PIK3CB: variants seen among roughly 807,000 people sequenced by gnomAD.
The protein encoded by PIK3CB is phosphatidylinositol-4,5-bisphosphate 3-kinase catalytic subunit beta.
In PIK3CB, 39 loss-of-function variants were observed where a neutral mutation model predicts 136.8. That is an observed-to-expected ratio of 0.29 (90% CI 0.22 to 0.37). The LOEUF is 0.37. Among genes scored for constraint, PIK3CB ranks in the 10% least tolerant of loss-of-function variants. The pLI, the probability that PIK3CB is intolerant of heterozygous loss-of-function variation, is 1.00. For synonymous variants in PIK3CB, 428 were observed against 436.6 expected, an observed-to-expected ratio of 0.98 and a Z score of 0.25; for missense variants, 868 against 1,275.4, an observed-to-expected ratio of 0.68 and a Z score of 4.87.
chr3:138,731,266 T>G (rs977413026), intron 8 of PIK3CB, among the ~76,000 whole-genome samples: 13 of 152,184 alleles, frequency 8.5e-5, no homozygotes, highest in South Asian at 8.3e-4. Context: ...TTCTTTTTTT[T>G]GGGGGAGATT....
chr3:138,820,310 T>G (rs1423620714), intron 1 of PIK3CB, among the ~76,000 whole-genome samples: 3 of 152,158 alleles, frequency 2.0e-5, no homozygotes, highest in African/African-American at 7.2e-5. Flanking sequence ...CTTTCACATC[T>G]CAATTCAAAC....
Position 138,691,090 on chromosome 3 carries a change from T to G in PIK3CB, c.1946A>C (p.Glu649Ala). Residue 649 changes from glutamate (E) to alanine (A), a missense_variant, in exon 15 of 24, where the codon GAG becomes GCG. By Grantham distance (107) the Glu-to-Ala change is moderately radical. Around this residue, in one of 4 missense-constraint regions of PIK3CB, gnomAD observed 612 missense variants for 801.1 expected, o/e 0.76. Transcript: ENST00000674063. ...LLQLVQVLKY[E>A]PFLDCALSRF... ...AGAGAGGGCACAATCAAGAAAAGGC[T>G]CATATTTTAACACTTGCACCAGTTG... 1 of 1,612,630 alleles carries G rather than the reference T, an allele frequency of 6.2e-7. No homozygotes were observed. The highest frequency in any genetic ancestry group is 8.5e-7 in the Non-Finnish European group (1 of 1,178,724).
intron 1 of PIK3CB, among the ~76,000 whole-genome samples, chr3:138,802,094 C>A (rs2046182926): frequency 6.6e-6 from 1 of 151,166 alleles, no homozygotes; most frequent in Non-Finnish European, 1.5e-5. Flanking sequence ...AAAAGGGGAG[C>A]CAGGCACAGT....
intron 5 of PIK3CB, among the ~76,000 whole-genome samples, chr3:138,742,223 C>T (rs1032044209): frequency 7.2e-5 from 11 of 152,118 alleles, no homozygotes; most frequent in African/African-American, 2.4e-4. Context: ...GTTGCATATT[C>T]TTTTTACTTC....
chr3:138,703,550 T>TTATA (rs563928875), intron 12 of PIK3CB, among the ~76,000 whole-genome samples: 16 of 150,866 alleles, frequency 1.1e-4, no homozygotes, highest in African/African-American at 3.9e-4. Context: ...GTATACATAT[T>TTATA]TATATATATA....
intron 5 of PIK3CB, among the ~76,000 whole-genome samples, chr3:138,739,228 G>A (rs2045184336): frequency 6.6e-6 from 1 of 151,782 alleles, no homozygotes; most frequent in African/African-American, 2.4e-5. Flanking sequence ...GGCAGATAAT[G>A]AGGTCAGGAG....
At chr3:138,789,640 T>C (rs9822714) in intron 2 of PIK3CB, among the ~76,000 whole-genome samples, 81,187 of 151,370 alleles carry the variant, frequency 0.54, 23,069 homozygotes, top group East Asian at 0.98. Flanking sequence ...CATCAACAGA[T>C]ACATAGACAA....
At chr3:138,815,876 C>T (rs200992496) in intron 1 of PIK3CB, among the ~76,000 whole-genome samples, 1 of 152,180 alleles carries the variant, frequency 6.6e-6, no homozygotes, top group East Asian at 1.9e-4. Context: ...TAAATAATTA[C>T]GCACTTAGCC....
intron 2 of PIK3CB, among the ~76,000 whole-genome samples, chr3:138,787,361 G>A (rs532332640): frequency 1.2e-3 from 159 of 133,076 alleles, no homozygotes; most frequent in Middle Eastern, 4.7e-3. Flanking sequence ...GCAAGACTCC[G>A]CTCAAAAAAA....
intron 4 of PIK3CB, among the ~76,000 whole-genome samples, chr3:138,754,338 T>C (rs2045525465): frequency 6.6e-6 from 1 of 151,886 alleles, no homozygotes. Context: ...CTTAGGACGC[T>C]GAGGTGGGAG....
chr3:138,708,876 T>C (rs1325069014), intron 10 of PIK3CB, among the ~76,000 whole-genome samples: 2 of 152,178 alleles, frequency 1.3e-5, no homozygotes, highest in African/African-American at 4.8e-5. Flanking sequence ...TTTAGTATTT[T>C]AGTACTTATT....
At chr3:138,711,882 G>C (rs2044508333) in intron 10 of PIK3CB, among the ~76,000 whole-genome samples, 1 of 151,866 alleles carries the variant, frequency 6.6e-6, no homozygotes. Context: ...AGCACTTTGG[G>C]AGGATCACTT....
intron 1 of PIK3CB, among the ~76,000 whole-genome samples, chr3:138,811,432 C>CT (rs1209224609): frequency 0.051 from 7,246 of 141,598 alleles, 595 homozygotes; most frequent in African/African-American, 0.17. Flanking sequence ...AGAAAATTAC[C>CT]TTTTTTTTTT....
chr3:138,768,920 T>C (rs2045767098), intron 2 of PIK3CB, among the ~76,000 whole-genome samples: 2 of 152,184 alleles, frequency 1.3e-5, no homozygotes, highest in Admixed American at 1.3e-4. Flanking sequence ...GTGGGCCTTC[T>C]TGGGCCCCTA....
intron 10 of PIK3CB, among the ~76,000 whole-genome samples, chr3:138,711,960 AT>A (rs1278106298): frequency 1.1e-4 from 16 of 151,836 alleles, no homozygotes; most frequent in African/African-American, 3.6e-4. Flanking sequence ...ATAAAAAAAA[AT>A]AATAAATAAT....
At chr3:138,757,900 C>T (rs2045602736) in intron 3 of PIK3CB, among the ~76,000 whole-genome samples, 2 of 152,204 alleles carry the variant, frequency 1.3e-5, no homozygotes, top group Admixed American at 6.5e-5. Flanking sequence ...CCAACAATCA[C>T]ACTTCTAGGT....
At chr3:138,767,222 T>C (rs1484276979) in intron 2 of PIK3CB, among the ~76,000 whole-genome samples, 2 of 152,090 alleles carry the variant, frequency 1.3e-5, no homozygotes, top group Admixed American at 6.6e-5. Flanking sequence ...TTCAAATACA[T>C]AGATATCTGT....
chr3:138,752,342 C>T (rs1040810781), intron 4 of PIK3CB, among the ~76,000 whole-genome samples: 3 of 152,182 alleles, frequency 2.0e-5, no homozygotes, highest in African/African-American at 7.2e-5. Context: ...AACCTTGTTC[C>T]TAAAGTTAAA....
chr3:138,670,029 C>T lies in PIK3CB; in HGVS notation c.2505-4826G>A, dbSNP rs76553246. ...ATGGGGTCAAAGTACAAAAAGTCAG[C>T]AAAGATCTCACTGGACAGACAAGTT... On this transcript the variant is annotated intron_variant, in intron 19 of 23. Transcript: ENST00000674063. 8.8e-3 allele frequency among the ~76,000 whole-genome samples: 1,347 copies of T among 152,306 alleles called. 28 individuals are homozygous for T. The highest frequency in any genetic ancestry group is 0.029 in the African/African-American group (1,222 of 41,546).
Sources: gnomAD v4.1 joint callset for allele counts (sites outside exome capture counted in the v4.1 genomes callset) on GRCh38, gnomAD v4.1.1 for gene constraint, gnomAD v4.1.1 regional missense constraint, MANE v1.5 for transcripts, NCBI Gene and HGNC (gene_info 2026-07-23, HGNC 2026-07-21) for gene names.